TMPRSS4: variants seen among roughly 807,000 people sequenced by gnomAD.
TMPRSS4 encodes transmembrane protease serine 4.
In TMPRSS4, 45 loss-of-function variants were observed where a neutral mutation model predicts 56.4. That is an observed-to-expected ratio of 0.80 (90% CI 0.63 to 1.02). TMPRSS4 has a LOEUF of 1.02. Among genes scored for constraint, TMPRSS4 ranks in the 50% least tolerant of loss-of-function variants. The probability of loss-of-function intolerance (pLI) is 0.00; values close to 1 mark genes in which losing one functional copy is unlikely to be tolerated. For synonymous variants in TMPRSS4, 205 were observed against 211.0 expected (o/e 0.97, Z 0.25); for missense variants, 546 against 556.7 (o/e 0.98, Z 0.19).
At chr11:118,123,458 G>T (rs545530847), downstream of TMPRSS4, among the ~76,000 whole-genome samples, 1 of 152,272 alleles carries the variant, frequency 6.6e-6, no homozygotes, top group East Asian at 1.9e-4. Flanking sequence ...AATCCAGAAG[G>T]TGGGACATTC....
In TMPRSS4 at chr11:118,077,269, G is replaced by C. The variant is rs752724611; in HGVS notation, c.-34G>C. 1 of 1,597,018 alleles carries C rather than the reference G, an allele frequency of 6.3e-7. No homozygotes were observed. The highest frequency in any genetic ancestry group is 8.5e-7 in the Non-Finnish European group (1 of 1,171,786). ...CTTGGGGTGACAATCTCAGCTCCAG[G>C]CTACAGGGAGACCGGGAGGATCACA... On this transcript the variant is annotated 5_prime_UTR_variant, in exon 1 of 13. Coordinates refer to ENST00000437212, the MANE Select transcript of TMPRSS4 (RefSeq NM_019894.4).
chr11:118,086,624 G>C (rs1044033421), intron 1 of TMPRSS4: 1 of 152,814 alleles, frequency 6.5e-6, no homozygotes, highest in Non-Finnish European at 1.5e-5. Flanking sequence ...AAGTCGGCAT[G>C]ATCAGTCATC....
At chr11:118,116,151 AC>A (rs1175688531) in intron 11 of TMPRSS4, among the ~76,000 whole-genome samples, 4 of 152,122 alleles carry the variant, frequency 2.6e-5, no homozygotes, top group African/African-American at 7.2e-5. Flanking sequence ...AGACAGGGTC[AC>A]TATGTTGCCC....
chr11:118,077,186 C>A lies in TMPRSS4; in HGVS notation c.-117C>A. ...TCGGGCCTCCTCCAGCCAGTGCTGA[C>A]CAGGGACTTCTGACCTGCTGGCCAG... On this transcript the variant is annotated 5_prime_UTR_variant, in exon 1 of 13. Transcript: ENST00000437212. 1.5e-6 allele frequency: 2 copies of A among 1,372,192 alleles called. No homozygotes were observed. Among genetic ancestry groups the A allele is most frequent in the Non-Finnish European group, 2.0e-6 (2 of 993,192 alleles). 85.0% of individuals were successfully genotyped at this position (1,372,192 alleles called of 1,614,324 possible). A position where few individuals can be genotyped will look rare whatever the true frequency, so the allele number is the denominator to read the frequency against.
intron 7 of TMPRSS4, 128 bp downstream of exon 7, chr11:118,109,024 C>T (rs545505447): frequency 1.9e-6 from 2 of 1,054,932 alleles, no homozygotes; most frequent in South Asian, 3.0e-5. Context: ...AGCCCTTGGG[C>T]TTGTCGGTCA....
chr11:118,099,481 A>AAG (rs141362371), intron 3 of TMPRSS4, among the ~76,000 whole-genome samples: 23,339 of 141,650 alleles, frequency 0.16, 2,321 homozygotes, highest in African/African-American at 0.22. Context: ...GAAAGAAAGA[A>AAG]AAAGAAAGAA....
At chr11:118,077,754 G>A (rs1440220093) in intron 1 of TMPRSS4, among the ~76,000 whole-genome samples, 2 of 151,782 alleles carry the variant, frequency 1.3e-5, no homozygotes, top group Non-Finnish European at 2.9e-5. Context: ...GCTCACGCCT[G>A]TAGTCCCAGC....
intron 1 of TMPRSS4, among the ~76,000 whole-genome samples, chr11:118,090,613 C>CG (rs1164498823): frequency 2.3e-3 from 39 of 17,022 alleles, no homozygotes; most frequent in African/African-American, 0.014. Flanking sequence ...CTCATCTCTA[C>CG]GAAAAAAAAA....
At chr11:118,099,481 A>AAAGAAAGAAAGAAAGAAAG (rs1555085858) in intron 3 of TMPRSS4, among the ~76,000 whole-genome samples, 2 of 141,812 alleles carry the variant, frequency 1.4e-5, no homozygotes, top group African/African-American at 2.7e-5. Flanking sequence ...GAAAGAAAGA[A>AAAGAAAGAAAGAAAGAAAG]AAAGAAAGAA....
intron 6 of TMPRSS4, 169 bp from the exon 7 acceptor site, chr11:118,108,687 A>G (rs1947124036): frequency 7.8e-6 from 5 of 637,584 alleles, no homozygotes; most frequent in African/African-American, 1.8e-5. Flanking sequence ...GTGTCAATGC[A>G]GGAAATGCAA....
At chr11:118,122,056 T>C (rs1218961342), downstream of TMPRSS4, among the ~76,000 whole-genome samples, 2 of 151,922 alleles carry the variant, frequency 1.3e-5, no homozygotes, top group Non-Finnish European at 2.9e-5. Flanking sequence ...AAAGTAGCAA[T>C]TGATGAATAA....
At chr11:118,077,530 A>G (rs778014842) in intron 1 of TMPRSS4, among the ~76,000 whole-genome samples, 12 of 152,054 alleles carry the variant, frequency 7.9e-5, no homozygotes, top group Non-Finnish European at 1.3e-4. Flanking sequence ...CAGCTCACCT[A>G]AGAAGCTGAG....
chr11:118,108,691 A>G, intron 6 of TMPRSS4, 165 bp from the exon 7 acceptor site: 3 of 644,778 alleles, frequency 4.7e-6, no homozygotes, highest in South Asian at 1.9e-5. Context: ...CAATGCAGGA[A>G]ATGCAATGGA....
chr11:118,113,260 T>C lies in TMPRSS4; in HGVS notation c.744-9T>C. The C allele has an allele frequency of 6.8e-6, 11 of 1,613,160 alleles. 1 individual carries two copies. The highest frequency in any genetic ancestry group is 1.7e-4 in the Middle Eastern group (1 of 6,050). ...GATCAGGCCTGAACCCAGCTGTCTCTACCCCCAGGAAACATACCGATGTGT... is the reference window on the plus strand; with the variant it reads ...GATCAGGCCTGAACCCAGCTGTCTCCACCCCCAGGAAACATACCGATGTGT... On this transcript the variant is annotated splice_polypyrimidine_tract_variant and intron_variant, in intron 8 of 12. Coordinates refer to ENST00000437212, the MANE Select transcript of TMPRSS4 (RefSeq NM_019894.4).
At chr11:118,100,721 C>T (rs1946689621) in intron 3 of TMPRSS4, among the ~76,000 whole-genome samples, 1 of 152,208 alleles carries the variant, frequency 6.6e-6, no homozygotes. Flanking sequence ...TTAAAGTGAG[C>T]TTGCTTTCCA....
intron 10 of TMPRSS4, 27 bp from the exon 11 acceptor site, chr11:118,115,111 G>A: frequency 6.2e-7 from 1 of 1,603,180 alleles, no homozygotes; most frequent in Non-Finnish European, 8.5e-7. Flanking sequence ...GGCAAGGATG[G>A]GAATGTGAGT....
At chr11:118,099,154 C>A in intron 3 of TMPRSS4, 56 bp downstream of exon 3, 1 of 1,443,142 alleles carries the variant, frequency 6.9e-7, no homozygotes, top group Admixed American at 1.7e-5. Context: ...AGGGCCCAAC[C>A]CCCACCCCCG....
intron 12 of TMPRSS4, 161 bp downstream of exon 12, chr11:118,117,615 C>T: frequency 1.0e-6 from 1 of 980,246 alleles, no homozygotes; most frequent in Non-Finnish European, 1.2e-6. Context: ...ACTATTAAGG[C>T]TGAAATTCCT....
intron 7 of TMPRSS4, among the ~76,000 whole-genome samples, chr11:118,110,336 G>A (rs1947216524): frequency 7.7e-6 from 1 of 129,930 alleles, no homozygotes; most frequent in South Asian, 2.3e-4. Flanking sequence ...GAGAGCATTA[G>A]ATTCTCTCTT....
Sources: gnomAD v4.1 joint callset for allele counts (sites outside exome capture counted in the v4.1 genomes callset) on GRCh38, gnomAD v4.1.1 for gene constraint, MANE v1.5 for transcripts, NCBI Gene and HGNC (gene_info 2026-07-23, HGNC 2026-07-21) for gene names.